NTM: variants seen among roughly 807,000 people sequenced by gnomAD.
The protein encoded by NTM is IgLON family member 2.
NTM carries 13 observed loss-of-function variants against 42.1 expected under a neutral mutation model. That is an observed-to-expected ratio of 0.31 (90% CI 0.20 to 0.49). NTM has a LOEUF of 0.49. Ranked by LOEUF, NTM falls within the 20% of genes least tolerant of loss-of-function variation. NTM has a pLI of 0.99. For synonymous variants in NTM, 187 were observed against 179.2 expected, an observed-to-expected ratio of 1.04 and a Z score of -0.35; for missense variants, 373 against 452.8, an observed-to-expected ratio of 0.82 and a Z score of 1.60.
intron 3 of NTM, among the ~76,000 whole-genome samples, chr11:132,162,625 GTGTA>G (rs2074552088): frequency 6.7e-6 from 1 of 150,304 alleles, no homozygotes; most frequent in African/African-American, 2.5e-5. Context: ...GTGTGAGTGT[GTGTA>G]TGTGTGTGGG....
At chr11:131,579,178 G>C (rs778582357) in intron 1 of NTM, among the ~76,000 whole-genome samples, 4 of 152,184 alleles carry the variant, frequency 2.6e-5, no homozygotes, top group African/African-American at 4.8e-5. Context: ...ACCCTGCTCT[G>C]AGGAGCAATG....
At chr11:132,054,147 A>G (rs2079256843) in intron 2 of NTM, among the ~76,000 whole-genome samples, 1 of 152,226 alleles carries the variant, frequency 6.6e-6, no homozygotes, top group African/African-American at 2.4e-5. Context: ...CCTGAGAGGT[A>G]GAGGTTGCAG....
At chr11:131,377,173 C>T (rs1265657623) in intron 1 of NTM, among the ~76,000 whole-genome samples, 1 of 152,202 alleles carries the variant, frequency 6.6e-6, no homozygotes. Context: ...GGTGCACACC[C>T]TGGCTCTGGG....
chr11:131,722,019 AAAAG>A (rs1226366131), intron 1 of NTM, among the ~76,000 whole-genome samples: 1 of 114,540 alleles, frequency 8.7e-6, no homozygotes, highest in Admixed American at 8.3e-5. Flanking sequence ...AAAAAAAAAA[AAAAG>A]AGAGAAAGAA....
chr11:131,444,309 A>C (rs980722523), intron 1 of NTM, among the ~76,000 whole-genome samples: 1 of 151,992 alleles, frequency 6.6e-6, no homozygotes, highest in South Asian at 2.1e-4. Context: ...GCAACTTGAC[A>C]TTATAAAAGT....
chr11:131,789,533 G>A (rs1318376687), intron 1 of NTM, among the ~76,000 whole-genome samples: 1 of 23,958 alleles, frequency 4.2e-5, no homozygotes, highest in Non-Finnish European at 6.9e-5. Flanking sequence ...AGAAGAAGAA[G>A]AAGAAGAAGA....
chr11:131,805,442 G>A (rs60810184), intron 1 of NTM, among the ~76,000 whole-genome samples: 1 of 152,154 alleles, frequency 6.6e-6, no homozygotes, highest in African/African-American at 2.4e-5. Context: ...GTGTGTGTAA[G>A]TGTGTGAACT....
chr11:132,315,749 A>G (rs1176878774), intron 7 of NTM, among the ~76,000 whole-genome samples: 3 of 152,032 alleles, frequency 2.0e-5, no homozygotes, highest in Non-Finnish European at 4.4e-5. Flanking sequence ...CTCACCCATT[A>G]CATCCTCCTG....
intron 3 of NTM, among the ~76,000 whole-genome samples, chr11:132,180,941 A>G (rs981747967): frequency 6.6e-6 from 1 of 152,204 alleles, no homozygotes; most frequent in Admixed American, 6.5e-5. Context: ...GAAGTGATCA[A>G]TTTAGTTCAT....
intron 2 of NTM, among the ~76,000 whole-genome samples, chr11:131,940,136 T>C (rs531788561): frequency 9.4e-4 from 143 of 152,354 alleles, no homozygotes; most frequent in African/African-American, 3.3e-3. Context: ...CAGTATGGGA[T>C]GACGATTCTG....
chr11:131,715,783 A>G (rs975189234), intron 1 of NTM, among the ~76,000 whole-genome samples: 6 of 152,114 alleles, frequency 3.9e-5, no homozygotes, highest in African/African-American at 1.4e-4. Context: ...GGCTTCCTTC[A>G]CTCAGTATAA....
At chr11:131,626,247 G>A (rs1387936833) in intron 1 of NTM, among the ~76,000 whole-genome samples, 4 of 152,118 alleles carry the variant, frequency 2.6e-5, no homozygotes, top group Admixed American at 2.6e-4. Context: ...TAAGTGTACT[G>A]AGACACTTCT....
At chr11:131,542,068 A>C (rs961530454) in intron 1 of NTM, among the ~76,000 whole-genome samples, 4 of 152,222 alleles carry the variant, frequency 2.6e-5, no homozygotes, top group African/African-American at 9.6e-5. Flanking sequence ...AGAGGGTTAG[A>C]GAGATCAACA....
chr11:131,698,742 G>C (rs538381714), intron 1 of NTM, among the ~76,000 whole-genome samples: 1 of 152,366 alleles, frequency 6.6e-6, no homozygotes, highest in South Asian at 2.1e-4. Flanking sequence ...TCTCAGCCCA[G>C]TGCCAGGCTT....
chr11:132,052,751 A>G (rs1455483694), intron 2 of NTM, among the ~76,000 whole-genome samples: 1 of 149,998 alleles, frequency 6.7e-6, no homozygotes, highest in African/African-American at 2.5e-5. Flanking sequence ...TTATCTCTTC[A>G]CAAACGTATT....
intron 1 of NTM, 44 bp from the exon 2 acceptor site, chr11:131,911,520 C>T (rs746498409): frequency 5.2e-5 from 84 of 1,614,038 alleles, no homozygotes; most frequent in South Asian, 3.6e-4. Context: ...CCTGGAAGTG[C>T]CTCGTGGTCG....
chr11:131,770,619 C>A (rs572946798), intron 1 of NTM, among the ~76,000 whole-genome samples: 4 of 152,138 alleles, frequency 2.6e-5, no homozygotes, highest in Non-Finnish European at 5.9e-5. Flanking sequence ...AATCAACAGT[C>A]TGTTGATGAA....
chr11:132,280,336 A>G (rs80061837), intron 4 of NTM, among the ~76,000 whole-genome samples: 1 of 152,308 alleles, frequency 6.6e-6, no homozygotes, highest in East Asian at 1.9e-4. Flanking sequence ...GTGAAAGTAC[A>G]GGACACTCCA....
At chr11:131,990,839 T>C (rs570275032) in intron 2 of NTM, among the ~76,000 whole-genome samples, 1 of 152,306 alleles carries the variant, frequency 6.6e-6, no homozygotes, top group South Asian at 2.1e-4. Flanking sequence ...CTGAGCTCTA[T>C]AAACTATTTT....
Sources: gnomAD v4.1 joint callset for allele counts (sites outside exome capture counted in the v4.1 genomes callset) on GRCh38, gnomAD v4.1.1 for gene constraint, MANE v1.5 for transcripts, NCBI Gene and HGNC (gene_info 2026-07-23, HGNC 2026-07-21) for gene names.